Variants in MUC5B observed in about 807,000 individuals in gnomAD.
MUC5B encodes mucin-5B.
In MUC5B, 116 loss-of-function variants were observed where a neutral mutation model predicts 376.9. The observed-to-expected ratio is 0.31, with a 90% CI of 0.26 to 0.36. The LOEUF (loss-of-function observed/expected upper bound fraction) is 0.36. Among genes scored for constraint, MUC5B ranks in the 10% least tolerant of loss-of-function variants. The probability of loss-of-function intolerance (pLI) is 1.00; values close to 1 mark genes in which losing one functional copy is unlikely to be tolerated. For synonymous variants in MUC5B, 3,517 were observed against 3,390.9 expected (o/e 1.04, Z -1.29); for missense variants, 7,165 against 7,769.9 (o/e 0.92, Z 2.93).
In MUC5B at chr11:1,229,179, G is replaced by GC; in HGVS notation, c.991dup (p.Leu331ProfsTer43). ...ACCTCCTTTTGCGCAGCCCGGACCT[G>GC]CCCCCTCAACATGCAGCACCAGGAG... On this transcript the variant is annotated frameshift_variant, in exon 9 of 49. Transcript: ENST00000529681. LOFTEE classifies it high-confidence loss of function. 1 of 1,594,712 alleles carries GC rather than the reference G, an allele frequency of 6.3e-7. No homozygotes were observed. The highest frequency in any genetic ancestry group is 8.5e-7 in the Non-Finnish European group (1 of 1,175,066).
rs751265369 is a variant in MUC5B, at chr11:1,250,949, C to T, written c.14069C>T (p.Thr4690Ile). Residue 4690 changes from threonine to isoleucine, a missense_variant, in exon 31 of 49, where the codon ACC (threonine) becomes ATC (isoleucine). Thr to Ile is a moderately conservative substitution (Grantham distance 89, BLOSUM62 -1). This residue lies in a region of MUC5B where 730 missense variants were observed against 592.7 expected (regional missense o/e 1.23). Transcript: ENST00000529681. ...LTTTATTITA[T>I]GSTTNPSSTP... ...ACCACGGCCACTACGATCACGGCCA[C>T]CGGCTCCACCACCAACCCCTCCTCA... The T allele has an allele frequency of 1.2e-6, 2 of 1,609,194 alleles. No individual in the cohort carries two copies. The highest frequency in any genetic ancestry group is 1.3e-5 in the African/African-American group (1 of 74,632).
rs1292643550 is a variant in MUC5B, at chr11:1,246,508, G to C, written c.9628G>C (p.Ala3210Pro). The C allele has an allele frequency of 6.2e-7, 1 of 1,612,914 alleles. No individual in the cohort carries two copies. The highest frequency in any genetic ancestry group is 1.3e-5 in the African/African-American group (1 of 74,670). The change falls in exon 31 of 49, where the codon GCC becomes CCC. Residue 3210 changes from alanine (A) to proline (P), a missense_variant. Physicochemically the swap from Ala to Pro is conservative, Grantham distance 27. This residue lies in a region of MUC5B where 939 missense variants were observed against 770.6 expected (regional missense o/e 1.22). Coordinates refer to ENST00000529681, the MANE Select transcript of MUC5B (RefSeq NM_002458.3). Reference sequence around the variant, plus strand: ...CACACCCACAGTCATCAGCTCCAGAGCCACTCCCTCCTCCAGTCCAGGGAC... The same window carrying C: ...CACACCCACAGTCATCAGCTCCAGACCCACTCCCTCCTCCAGTCCAGGGAC... ...ATTPTVISSR[A>P]TPSSSPGTAT...
chr11:1,250,710 G>T lies in MUC5B; in HGVS notation c.13830G>T (p.Gly4610=). Residue 4610 remains glycine (G), a synonymous_variant, in exon 31 of 49, where the codon GGG becomes GGT. Coordinates refer to ENST00000529681, the MANE Select transcript of MUC5B (RefSeq NM_002458.3). ...CAGCCACCCCCTCCTCCAGCCCAGG[G>T]ACGGCACTCACGCCTCCAGTGTGGA... The part of the protein sequence containing the change: ...GFTATPSSSP[G]TALTPPVWIS... The T allele has an allele frequency of 6.2e-7, 1 of 1,612,262 alleles. No individual in the cohort carries two copies. Among genetic ancestry groups the T allele is most frequent in the Non-Finnish European group, 8.5e-7 (1 of 1,179,276 alleles).
rs1862334299 is a variant in MUC5B, at chr11:1,243,022, A to C, written c.6142A>C (p.Thr2048Pro). ...TPSSTPGTAH[T>P]TKVPTTTTTG... ...CTCCTCCACCCCAGGAACAGCTCACACTACCAAAGTGCCAACTACCACAAC... is the reference window on the plus strand; with the variant it reads ...CTCCTCCACCCCAGGAACAGCTCACCCTACCAAAGTGCCAACTACCACAAC... The change falls in exon 31 of 49, where the codon ACT (threonine) becomes CCT (proline). Residue 2048 changes from threonine (T) to proline (P), a missense_variant. Transcript: ENST00000529681. 1.4e-5 allele frequency: 22 copies of C among 1,612,450 alleles called. No individual in the cohort carries two copies. The highest frequency in any genetic ancestry group is 1.9e-5 in the Non-Finnish European group (22 of 1,179,296).
chr11:1,256,042 C>T (rs182226900), intron 37 of MUC5B, 114 bp from the exon 38 acceptor site: 19,839 of 551,976 alleles, frequency 0.036, 706 homozygotes, highest in African/African-American at 0.081. Flanking sequence ...TGAGTGGGGG[C>T]GGCCCCGGGC....
intron 34 of MUC5B, among the ~76,000 whole-genome samples, 151 bp downstream of exon 34, chr11:1,254,502 A>G (rs1207544015): frequency 6.6e-6 from 1 of 152,198 alleles, no homozygotes; most frequent in Admixed American, 6.5e-5. Context: ...GGAGCCGCCT[A>G]AGGCCGAGCG....
chr11:1,234,960 G>A lies in MUC5B; in HGVS notation c.2631-125G>A. ...GGGGGACACCACTTCTTCCACGGAG[G>A]AGGGGTCAGGCTGGGCCTGGGGAGG... is the stretch of plus-strand genomic sequence containing the variant. On this transcript the variant is annotated intron_variant, in intron 21 of 48. Transcript: ENST00000529681. This position sits in a 1 kb window ranked among gnomAD's most constrained non-coding sequence, Gnocchi z 6.3. 1 of 1,319,296 alleles carries A rather than the reference G, an allele frequency of 7.6e-7. No individual in the cohort carries two copies. Among genetic ancestry groups the A allele is most frequent in the South Asian group, 1.5e-5 (1 of 65,824 alleles). The allele number at this position is 1,319,296 out of a possible 1,614,324, so 81.7% of individuals were successfully genotyped here.
In MUC5B at chr11:1,252,458, G is replaced by A. The variant is rs1862731511; in HGVS notation, c.14979G>A (p.Val4993=). The A allele has an allele frequency of 3.7e-6, 6 of 1,609,126 alleles. No individual in the cohort carries two copies. The highest frequency in any genetic ancestry group is 5.1e-6 in the Non-Finnish European group (6 of 1,177,964). The change falls in exon 32 of 49, where the codon GTG becomes GTA. Residue 4993 remains valine, a synonymous_variant. Transcript: ENST00000529681. ...CCTGTCCCACCTCCCCACCGCCAGT[G>A]TCCTCCGCCCCGCTGTCCTCGCCCT... ...QGACPTSPPP[V]SSAPLSSPSP... is the part of the protein sequence containing the mutation.
chr11:1,226,510 C>T (rs998032165), intron 3 of MUC5B, 105 bp from the exon 4 acceptor site: 27 of 1,447,856 alleles, frequency 1.9e-5, no homozygotes, highest in Middle Eastern at 2.0e-4. Flanking sequence ...AGCCAGCAGC[C>T]GACCATGGGC....
chr11:1,239,313 T>C (rs1862225478), intron 26 of MUC5B, 125 bp from the exon 27 acceptor site: 14 of 1,310,378 alleles, frequency 1.1e-5, no homozygotes, highest in Non-Finnish European at 1.4e-5. Flanking sequence ...AGGCCCTGCA[T>C]GTCTGGGACA....
chr11:1,259,987 C>G lies in MUC5B; in HGVS notation c.16825C>G (p.His5609Asp). 1 of 1,612,952 alleles carries G rather than the reference C, an allele frequency of 6.2e-7. No individual in the cohort carries two copies. The highest frequency in any genetic ancestry group is 2.2e-5 in the East Asian group (1 of 44,878). The change falls in exon 46 of 49, where the codon CAT (histidine) becomes GAT (aspartate). Residue 5609 changes from histidine to aspartate, a missense_variant. By Grantham distance (81) the His-to-Asp change is moderately conservative. Transcript: ENST00000529681. ...GCTGAATGAAACCTGGGTCAACAGC[C>G]ATGTGGACAACTGCACCGTGTACCT... ...VQLNETWVNS[H>D]VDNCTVYLCE...
chr11:1,261,249 C>A, intron 48 of MUC5B, 140 bp from the exon 49 acceptor site: 1 of 702,064 alleles, frequency 1.4e-6, no homozygotes, highest in Non-Finnish European at 2.4e-6. Flanking sequence ...TGAAGCCTCA[C>A]GTGCCCACAG....
chr11:1,239,464 C>T lies in MUC5B; in HGVS notation c.3481C>T (p.His1161Tyr). The T allele has an allele frequency of 6.2e-7, 1 of 1,608,404 alleles. No homozygotes were observed. The highest frequency in any genetic ancestry group is 8.5e-7 in the Non-Finnish European group (1 of 1,176,482). The change falls in exon 27 of 49, where the codon CAT (histidine) becomes TAT (tyrosine). Residue 1161 changes from histidine (H) to tyrosine (Y), a missense_variant. Around this residue, in one of 31 missense-constraint regions of MUC5B, gnomAD observed 517 missense variants for 545.3 expected, o/e 0.95. Transcript: ENST00000529681. ...CTTGTTCTGTGACTTCTACAACCCA[C>T]ATGGGGGCTGTGAGTGGCACTACCA... The part of the protein sequence containing the change: ...CPLFCDFYNP[H>Y]GGCEWHYQPC...
chr11:1,261,162 G>A (rs1862986792), intron 48 of MUC5B, among the ~76,000 whole-genome samples: 1 of 152,246 alleles, frequency 6.6e-6, no homozygotes, highest in South Asian at 2.1e-4. Flanking sequence ...GTTCAGACAG[G>A]GGAAGTGCAG....
At chr11:1,223,856 G>A (rs1047705987) in intron 1 of MUC5B, among the ~76,000 whole-genome samples, 1 of 152,212 alleles carries the variant, frequency 6.6e-6, no homozygotes, top group African/African-American at 2.4e-5. Context: ...AGCCCCAGGG[G>A]CCACCGGGAG....
At chr11:1,231,225 C>A (rs1862020788) in intron 13 of MUC5B, among the ~76,000 whole-genome samples, 198 bp from the exon 14 acceptor site, 2 of 152,326 alleles carry the variant, frequency 1.3e-5, no homozygotes, top group South Asian at 4.1e-4. Flanking sequence ...GCCCCACTCT[C>A]TCAGGGAGCC....
In MUC5B at chr11:1,228,378, G is replaced by A. The variant is rs547491198; in HGVS notation, c.775-186G>A. 3.3e-5 allele frequency: 19 copies of A among 580,962 alleles called. No homozygotes were observed. In the South Asian group the frequency reaches 3.6e-4, roughly 11 times the overall value. The allele number at this position is 580,962 out of a possible 1,614,324, so 36.0% of individuals were successfully genotyped here. ...TCCGGAGTAGGGGATCCCCGGTCACGGGTCACTCCCCAAGGGCCAAGCAGA... is the reference window on the plus strand; with the variant it reads ...TCCGGAGTAGGGGATCCCCGGTCACAGGTCACTCCCCAAGGGCCAAGCAGA... On this transcript the variant is annotated intron_variant, in intron 7 of 48. Coordinates refer to ENST00000529681, the MANE Select transcript of MUC5B (RefSeq NM_002458.3).
At position 1,248,628 on chromosome 11, in the gene MUC5B, C is replaced by T; in HGVS notation, c.11748C>T (p.Pro3916=). 1 of 1,612,286 alleles carries T rather than the reference C, an allele frequency of 6.2e-7. No homozygotes were observed. ...PSSVPGTTHT[P]TVLTTTTTTV... is the part of the protein sequence containing the mutation. The stretch of plus-strand genomic sequence containing the variant: ...CCGTCCCGGGGACCACCCACACCCC[C>T]ACAGTGCTGACCACCACCACCACAA... The change falls in exon 31 of 49, where the codon CCC becomes CCT. Residue 3916 remains proline, a synonymous_variant. Transcript: ENST00000529681.
chr11:1,230,485 C>G lies in MUC5B; in HGVS notation c.1360-5C>G. ...CCCAATGCACGCGTGGGTCCTTCTC[C>G]CCAGAAATGTGCCGACAGCAGCTTC... is the stretch of plus-strand genomic sequence containing the variant. On this transcript the variant is annotated splice_region_variant and splice_polypyrimidine_tract_variant and intron_variant, in intron 11 of 48. Transcript: ENST00000529681. 4.4e-6 allele frequency: 7 copies of G among 1,600,512 alleles called. No individual in the cohort carries two copies. Among genetic ancestry groups the G allele is most frequent in the Non-Finnish European group, 5.1e-6 (6 of 1,173,334 alleles).
Sources: allele counts gnomAD v4.1 joint callset (sites outside exome capture counted in the v4.1 genomes callset), GRCh38; gene constraint gnomAD v4.1.1; regional missense constraint gnomAD v4.1.1; non-coding constraint Gnocchi (gnomAD v3.1); transcripts MANE v1.5; gene names NCBI Gene and HGNC (gene_info 2026-07-23, HGNC 2026-07-21).